The following PTPRM variants were observed in gnomAD, a reference collection of about 807,000 sequenced individuals.
The protein encoded by PTPRM is protein tyrosine phosphatase receptor type M.
PTPRM carries 47 observed loss-of-function variants against 186.7 expected under a neutral mutation model. The observed-to-expected ratio is 0.25, with a 90% CI of 0.20 to 0.32. The LOEUF (loss-of-function observed/expected upper bound fraction) is 0.32. Among genes scored for constraint, PTPRM ranks in the 10% least tolerant of loss-of-function variants. The pLI, the probability that PTPRM is intolerant of heterozygous loss-of-function variation, is 1.00. For synonymous variants in PTPRM, 668 were observed against 674.9 expected, an observed-to-expected ratio of 0.99 and a Z score of 0.16; for missense variants, 1,494 against 1,865.0, an observed-to-expected ratio of 0.80 and a Z score of 3.66.
At position 7,578,310 on chromosome 18, in the gene PTPRM, C is replaced by T. The variant is rs369434180; in HGVS notation, c.73+10419C>T. Among the ~76,000 whole-genome samples the T allele has an allele frequency of 2.0e-5, 3 of 150,836 alleles. No individual in the cohort carries two copies. The South Asian group carries it at 6.3e-4, about 32-fold the overall frequency. On this transcript the variant is annotated intron_variant, in intron 1 of 32. Coordinates refer to ENST00000580170, the MANE Select transcript of PTPRM (RefSeq NM_001105244.2). The stretch of plus-strand genomic sequence containing the variant: ...TCCTGAGTAGTTGGGAGCATAGGTG[C>T]ATCACCATGCCTGGCTAATTAATTT...
At chr18:8,336,837 T>C (rs1251847) in intron 22 of PTPRM, among the ~76,000 whole-genome samples, 148,532 of 152,032 alleles carry the variant, frequency 0.98, 72,639 homozygotes, top group East Asian at 1. Context: ...ATTAGCTGGG[T>C]GTGGTGGTGC....
At position 8,133,867 on chromosome 18, in the gene PTPRM, C is replaced by T. The variant is rs184342504; in HGVS notation, c.2168-9780C>T. On this transcript the variant is annotated intron_variant, in intron 13 of 32. Transcript: ENST00000580170. Reference sequence around the variant, plus strand: ...GAGCTATTATTTAGGAAGATCCATACGGCTGCACTATGTCAAAGACACTGG... The same window carrying T: ...GAGCTATTATTTAGGAAGATCCATATGGCTGCACTATGTCAAAGACACTGG... 5.9e-3 allele frequency among the ~76,000 whole-genome samples: 900 copies of T among 152,096 alleles called. 3 individuals carry two copies. The highest frequency in any genetic ancestry group is 9.9e-3 in the Non-Finnish European group (674 of 67,980).
intron 14 of PTPRM, among the ~76,000 whole-genome samples, chr18:8,152,709 CCT>C (rs2093037024): frequency 7.4e-6 from 1 of 135,288 alleles, no homozygotes. Context: ...TTATGCCTCA[CCT>C]CTTTTTTTTT....
At chr18:7,616,143 C>A (rs1292956799) in intron 1 of PTPRM, among the ~76,000 whole-genome samples, 1 of 152,226 alleles carries the variant, frequency 6.6e-6, no homozygotes, top group East Asian at 1.9e-4. Context: ...TCAGGAAAGT[C>A]CAGCTGGGTT....
intron 7 of PTPRM, among the ~76,000 whole-genome samples, chr18:8,014,129 G>A (rs1480230092): frequency 6.6e-6 from 1 of 151,848 alleles, no homozygotes. Context: ...ATTTAATTAG[G>A]ATTTCAGGAA....
intron 4 of PTPRM, among the ~76,000 whole-genome samples, chr18:7,916,854 A>G (rs1599486060): frequency 1.3e-5 from 2 of 152,180 alleles, no homozygotes; most frequent in East Asian, 3.9e-4. Flanking sequence ...ATTGTTAATT[A>G]TAGTCACCCT....
At chr18:7,745,137 C>T (rs112030865) in intron 1 of PTPRM, among the ~76,000 whole-genome samples, 2,632 of 151,976 alleles carry the variant, frequency 0.017, 92 homozygotes, top group African/African-American at 0.06. Flanking sequence ...ATAAGTGGTA[C>T]TTCTTAGAGT....
intron 1 of PTPRM, among the ~76,000 whole-genome samples, chr18:7,580,552 C>T (rs1477338120): frequency 1.3e-5 from 2 of 152,116 alleles, no homozygotes; most frequent in Admixed American, 6.6e-5. Flanking sequence ...ATACGTAAGC[C>T]TTATTTCAGG....
At chr18:7,609,260 C>A (rs938926544) in intron 1 of PTPRM, among the ~76,000 whole-genome samples, 2 of 152,168 alleles carry the variant, frequency 1.3e-5, no homozygotes, top group Non-Finnish European at 2.9e-5. Flanking sequence ...CCTGGTCTGT[C>A]TTTGCATAGC....
At chr18:7,809,028 C>T (rs2044374331) in intron 2 of PTPRM, among the ~76,000 whole-genome samples, 1 of 152,058 alleles carries the variant, frequency 6.6e-6, no homozygotes, top group Non-Finnish European at 1.5e-5. Context: ...GGAGGTTTTC[C>T]CCATGAATTT....
At chr18:8,199,743 G>A (rs931371746) in intron 14 of PTPRM, among the ~76,000 whole-genome samples, 7 of 152,206 alleles carry the variant, frequency 4.6e-5, no homozygotes, top group African/African-American at 7.2e-5. Context: ...TCTCCCTGGA[G>A]AGGGAGCAGT....
intron 14 of PTPRM, among the ~76,000 whole-genome samples, chr18:8,242,702 T>C (rs1388784902): frequency 6.6e-6 from 1 of 152,238 alleles, no homozygotes; most frequent in Non-Finnish European, 1.5e-5. Context: ...GCCTTCAAAG[T>C]ATGAAATTAA....
chr18:8,006,590 G>T (rs370721814), intron 7 of PTPRM, among the ~76,000 whole-genome samples: 1 of 152,094 alleles, frequency 6.6e-6, no homozygotes, highest in Non-Finnish European at 1.5e-5. Context: ...CATATTTCTT[G>T]CCCTTTCTCC....
intron 1 of PTPRM, among the ~76,000 whole-genome samples, chr18:7,624,355 T>C (rs1268136767): frequency 6.6e-6 from 1 of 152,186 alleles, no homozygotes; most frequent in African/African-American, 2.4e-5. Flanking sequence ...GTTATCTAGT[T>C]TGAAATCAGT....
At chr18:8,399,939 G>T (rs1224612977) in intron 32 of PTPRM, 1 of 152,308 alleles carries the variant, frequency 6.6e-6, no homozygotes, top group African/African-American at 2.4e-5. Flanking sequence ...GGAGGGCCCT[G>T]TAGGAAGGTG....
At chr18:7,724,335 T>C (rs1220231972) in intron 1 of PTPRM, among the ~76,000 whole-genome samples, 2 of 152,342 alleles carry the variant, frequency 1.3e-5, no homozygotes, top group Non-Finnish European at 1.5e-5. Context: ...AGTGTGACTT[T>C]AACCATTTTT....
chr18:7,829,977 A>G (rs1215918258), intron 2 of PTPRM, among the ~76,000 whole-genome samples: 1 of 152,108 alleles, frequency 6.6e-6, no homozygotes, highest in African/African-American at 2.4e-5. Context: ...ATTGTCCTAT[A>G]GTTTTTGGAA....
chr18:7,705,834 C>T (rs1382389999), intron 1 of PTPRM, among the ~76,000 whole-genome samples: 2 of 151,658 alleles, frequency 1.3e-5, no homozygotes, highest in African/African-American at 2.4e-5. Context: ...GCTGGAACTA[C>T]AAGTGCTTTC....
chr18:8,250,858 CAAGT>C (rs1051763751), intron 17 of PTPRM, among the ~76,000 whole-genome samples: 2 of 150,876 alleles, frequency 1.3e-5, no homozygotes, highest in African/African-American at 4.9e-5. Context: ...AAATTAATGA[CAAGT>C]AATATATTTT....
Sources: gnomAD v4.1 joint callset for allele counts (sites outside exome capture counted in the v4.1 genomes callset) on GRCh38, gnomAD v4.1.1 for gene constraint, MANE v1.5 for transcripts, NCBI Gene and HGNC (gene_info 2026-07-23, HGNC 2026-07-21) for gene names.